Variants in EDC4 observed in about 807,000 individuals in gnomAD.
EDC4 encodes enhancer of mRNA-decapping protein 4.
EDC4 carries 64 observed loss-of-function variants against 155.8 expected under a neutral mutation model. That is an observed-to-expected ratio of 0.41 (90% confidence interval 0.34 to 0.51). EDC4 has a LOEUF of 0.51. Among genes scored for constraint, EDC4 ranks in the 20% least tolerant of loss-of-function variants. The pLI, the probability that EDC4 is intolerant of heterozygous loss-of-function variation, is 0.19. For missense variants in EDC4, 1,303 were observed against 1,812.5 expected (o/e 0.72, Z 5.10); for synonymous variants, 684 against 716.8 (o/e 0.95, Z 0.73).
chr16:67,880,785 C>G lies in EDC4; in HGVS notation c.2326C>G (p.Leu776Val), dbSNP rs1254283323. ...CAGTATGGCTTCAGCCGCCTCGGCA[C>G]TGCACCTGCTGTCCCCACGGCCCCG... ...PDSMASAASA[L>V]HLLSPRPRPG... The change falls in exon 18 of 29, where the codon CTG (leucine) becomes GTG (valine). Residue 776 changes from leucine (L) to valine (V), a missense_variant. Leu to Val is a conservative substitution (Grantham distance 32). Coordinates refer to ENST00000358933, the MANE Select transcript of EDC4 (RefSeq NM_014329.5). This position sits in a 1 kb window ranked among gnomAD's most constrained non-coding sequence, Gnocchi z 5.2. 5 of 1,613,972 alleles carry G rather than the reference C, an allele frequency of 3.1e-6. No homozygotes were observed. Among genetic ancestry groups the G allele is most frequent in the Non-Finnish European group, 4.2e-6 (5 of 1,180,042 alleles).
chr16:67,883,720 C>T lies in EDC4; in HGVS notation c.4002C>T (p.Asp1334=). ...QLASDLGTRT[D]LKLSYLEEAV... is the part of the protein sequence containing the mutation. ...CATCTGACCTTGGCACTCGAACTGA[C>T]CTCAAGCTCAGGTAAGTGGGGACAG... is the stretch of plus-strand genomic sequence containing the variant. Residue 1334 remains aspartate (D), a synonymous_variant, in exon 28 of 29, where the codon GAC becomes GAT. Coordinates refer to ENST00000358933, the MANE Select transcript of EDC4 (RefSeq NM_014329.5). The surrounding 1 kb of genome is among the most constrained non-coding windows in gnomAD (Gnocchi z 5.3). 6.2e-7 allele frequency: 1 copy of T among 1,614,112 alleles called. No homozygotes were observed. Among genetic ancestry groups the T allele is most frequent in the Non-Finnish European group, 8.5e-7 (1 of 1,180,026 alleles).
chr16:67,878,353 C>CTGTT lies in EDC4; in HGVS notation c.1005-7_1005-6insTGTT, dbSNP rs1567389863. 1 of 1,614,226 alleles carries CTGTT rather than the reference C, an allele frequency of 6.2e-7. No homozygotes were observed. ...CTCACTCAGGCCCCTCATCTGCCTA[C>CTGTT]CTGCAGGTGTCTGCACGAGTGGAAA... On this transcript the variant is annotated splice_polypyrimidine_tract_variant and splice_region_variant and intron_variant, in intron 8 of 28. Transcript: ENST00000358933. This position sits in a 1 kb window ranked among gnomAD's most constrained non-coding sequence, Gnocchi z 5.2.
chr16:67,876,524 G>A lies in EDC4; in HGVS notation c.276G>A (p.Gly92=), dbSNP rs554406609. The change falls in exon 3 of 29, where the codon GGG becomes GGA. Residue 92 remains glycine, a synonymous_variant. Transcript: ENST00000358933. This position sits in a 1 kb window ranked among gnomAD's most constrained non-coding sequence, Gnocchi z 5.8. ...LSGDDSSTCI[G]ILAKEVEIVA... ...GAGATGATAGCTCCACCTGCATTGGGATTTTGGCCAAGGAGGTGGAGATTG... is the reference window on the plus strand; with the variant it reads ...GAGATGATAGCTCCACCTGCATTGGAATTTTGGCCAAGGAGGTGGAGATTG... The A allele has an allele frequency of 1.9e-6, 3 of 1,614,154 alleles. No homozygotes were observed. Among genetic ancestry groups the A allele is most frequent in the South Asian group, 2.2e-5 (2 of 91,076 alleles).
rs568711057 is a variant in EDC4, at chr16:67,884,417, C to G, written c.*269C>G. On this transcript the variant is annotated 3_prime_UTR_variant, in exon 29 of 29. Transcript: ENST00000358933. This position sits in a 1 kb window ranked among gnomAD's most constrained non-coding sequence, Gnocchi z 4.1. ...CGTGACACCACTTGAGTGGAATTTT[C>G]CATGTTCCTTTTTACCTCTAATTTG... 3.3e-5 allele frequency: 18 copies of G among 540,992 alleles called. No individual in the cohort carries two copies. Among genetic ancestry groups the G allele is most frequent in the South Asian group, 1.6e-4 (6 of 38,274 alleles). The allele number at this position is 540,992 out of a possible 1,614,324, so 33.5% of individuals were successfully genotyped here. A position where few individuals can be genotyped will look rare whatever the true frequency, so the allele number is the denominator to read the frequency against.
In EDC4 at chr16:67,877,369, T is replaced by C. The variant is rs1391903381; in HGVS notation, c.604T>C (p.Phe202Leu). ...LACLDEAGNLFVWRLALVNGK... is the reference protein window; with the variant it reads ...LACLDEAGNLLVWRLALVNGK... ...CTGCCTGGATGAGGCAGGCAACCTG[T>C]TCGTGTGGCGCTTGGCTCTGGTTAA... is the stretch of plus-strand genomic sequence containing the variant. The change falls in exon 5 of 29, where the codon TTC (phenylalanine) becomes CTC (leucine). Residue 202 changes from phenylalanine (F) to leucine (L), a missense_variant. By Grantham distance (22) the Phe-to-Leu change is conservative. Coordinates refer to ENST00000358933, the MANE Select transcript of EDC4 (RefSeq NM_014329.5). The surrounding 1 kb of genome is among the most constrained non-coding windows in gnomAD (Gnocchi z 4.9). The C allele has an allele frequency of 6.2e-7, 1 of 1,613,820 alleles. No homozygotes were observed. The highest frequency in any genetic ancestry group is 8.5e-7 in the Non-Finnish European group (1 of 1,180,010).
Position 67,878,438 on chromosome 16 carries a change from C to A in EDC4, c.1083C>A (p.Asp361Glu), listed in dbSNP as rs766852535. 5.0e-6 allele frequency: 8 copies of A among 1,614,212 alleles called. No homozygotes were observed. Among genetic ancestry groups the A allele is most frequent in the South Asian group, 3.3e-5 (3 of 91,090 alleles). Residue 361 changes from aspartate (D) to glutamate (E), a missense_variant, in exon 9 of 29, where the codon GAC becomes GAA. Physicochemically the swap from Asp to Glu is conservative, Grantham distance 45 (BLOSUM62 2). Coordinates refer to ENST00000358933, the MANE Select transcript of EDC4 (RefSeq NM_014329.5). This position sits in a 1 kb window ranked among gnomAD's most constrained non-coding sequence, Gnocchi z 5.2. ...LLFCDNHKKQDPDVPFWRFLI... is the reference protein window; with the variant it reads ...LLFCDNHKKQEPDVPFWRFLI... ...TCTGTGACAACCATAAGAAACAAGA[C>A]CCTGAGTGAGTGAGTGGGCAGCCTA...
Position 67,877,587 on chromosome 16 carries a change from C to A in EDC4, c.720C>A (p.Phe240Leu), listed in dbSNP as rs2058047131. ...TTCGCAGGATCATCTGGTGCCCCTT[C>A]ATCCCTGAGGAGAGCGAAGACTGCT... The part of the protein sequence containing the change: ...NHFRRIIWCP[F>L]IPEESEDCCE... Residue 240 changes from phenylalanine (F) to leucine (L), a missense_variant, in exon 6 of 29, where the codon TTC becomes TTA. By Grantham distance (22) the Phe-to-Leu change is conservative. Around this residue, in one of 5 missense-constraint regions of EDC4, gnomAD observed 235 missense variants for 367.7 expected, o/e 0.64. Transcript: ENST00000358933. This position sits in a 1 kb window ranked among gnomAD's most constrained non-coding sequence, Gnocchi z 4.9. The A allele has an allele frequency of 6.2e-7, 1 of 1,614,222 alleles. No homozygotes were observed. The highest frequency in any genetic ancestry group is 1.7e-5 in the Admixed American group (1 of 60,028).
Position 67,884,076 on chromosome 16 carries a change from C to T in EDC4, c.4134C>T (p.His1378=), listed in dbSNP as rs1343573262. The T allele has an allele frequency of 4.3e-6, 7 of 1,614,072 alleles. No homozygotes were observed. The highest frequency in any genetic ancestry group is 2.7e-5 in the African/African-American group (2 of 74,958). The change falls in exon 29 of 29, where the codon CAC becomes CAT. Residue 1378 remains histidine (H), a synonymous_variant. Transcript: ENST00000358933. The surrounding 1 kb of genome is among the most constrained non-coding windows in gnomAD (Gnocchi z 4.1). ...KLFQFLQAEP[H]NSLGKAARRL... ...TTCAGTTCCTGCAGGCTGAGCCACA[C>T]AACTCACTTGGCAAAGCAGCTCGGC...
rs2058078317 is a variant in EDC4, at chr16:67,883,252, C to T, written c.3849+75C>T. The T allele has an allele frequency of 1.3e-6, 2 of 1,484,622 alleles. No individual in the cohort carries two copies. Among genetic ancestry groups the T allele is most frequent in the Admixed American group, 2.1e-5 (1 of 47,410 alleles). 92.0% of individuals were successfully genotyped at this position (1,484,622 alleles called of 1,614,324 possible). ...CCCACATACCATACATTCTACTCCA[C>T]CCACCACCTTTGCACCTTCTGGCCC... is the stretch of plus-strand genomic sequence containing the variant. On this transcript the variant is annotated intron_variant, in intron 27 of 28. Transcript: ENST00000358933. This position sits in a 1 kb window ranked among gnomAD's most constrained non-coding sequence, Gnocchi z 5.3.
In EDC4 at chr16:67,882,430, A is replaced by G. The variant is rs1335764018; in HGVS notation, c.3278A>G (p.Asn1093Ser). 1.9e-6 allele frequency: 3 copies of G among 1,613,520 alleles called. No homozygotes were observed. The highest frequency in any genetic ancestry group is 1.3e-5 in the African/African-American group (1 of 74,926). Residue 1093 changes from asparagine to serine, a missense_variant and splice_region_variant, in exon 25 of 29, where the codon AAC becomes AGC. This residue lies in a region of EDC4 where 527 missense variants were observed against 757.0 expected (regional missense o/e 0.70). Transcript: ENST00000358933. The surrounding 1 kb of genome is among the most constrained non-coding windows in gnomAD (Gnocchi z 7.2). ...CTTGGCCCCTCCCTCTAACCCCAGA[A>G]CTTGACTGATGCCATCGCCCGAGCA... is the stretch of plus-strand genomic sequence containing the variant. The part of the protein sequence containing the change: ...ENISKLLKSK[N>S]LTDAIARAAA...
In EDC4 at chr16:67,881,319, C is replaced by T. The variant is rs2058066963; in HGVS notation, c.2691C>T (p.Thr897=). ...CCTCTGCTTCAGGAGGCTTTGGCAC[C>T]AAAGTTCCTGCTCCACGGCTGCCTG... ...SLASASGGFG[T]KVPAPRLPAK... The change falls in exon 20 of 29, where the codon ACC becomes ACT. Residue 897 remains threonine (T), a synonymous_variant. Transcript: ENST00000358933. This position sits in a 1 kb window ranked among gnomAD's most constrained non-coding sequence, Gnocchi z 5.4. 3 of 1,614,046 alleles carry T rather than the reference C, an allele frequency of 1.9e-6. No individual in the cohort carries two copies. Among genetic ancestry groups the T allele is most frequent in the Non-Finnish European group, 2.5e-6 (3 of 1,180,048 alleles).
chr16:67,879,160 C>A lies in EDC4; in HGVS notation c.1468+23C>A. The A allele has an allele frequency of 6.2e-7, 1 of 1,614,064 alleles. No individual in the cohort carries two copies. The highest frequency in any genetic ancestry group is 8.5e-7 in the Non-Finnish European group (1 of 1,179,918). On this transcript the variant is annotated intron_variant, in intron 12 of 28. Coordinates refer to ENST00000358933, the MANE Select transcript of EDC4 (RefSeq NM_014329.5). This position sits in a 1 kb window ranked among gnomAD's most constrained non-coding sequence, Gnocchi z 6.0. ...CTGGTGAGCTGCCTCAGGGTCAGAG[C>A]TATGTGTCCATATATCTAGGGGGTT...
intron 1 of EDC4, among the ~76,000 whole-genome samples, chr16:67,874,611 C>T (rs114990427): frequency 0.045 from 6,866 of 152,206 alleles, 462 homozygotes; most frequent in African/African-American, 0.15. Flanking sequence ...CTCATGGTAC[C>T]CTTCATGGAA....
chr16:67,875,744 G>T, intron 1 of EDC4: 2 of 1,377,854 alleles, frequency 1.5e-6, no homozygotes, highest in Non-Finnish European at 1.9e-6. Flanking sequence ...CCAGGTAGAA[G>T]AGCCTCATGC....
Position 67,875,796 on chromosome 16 carries a change from GATGAACAC to G in EDC4, c.83-147_83-140del, listed in dbSNP as rs921319586. Reference sequence around the variant, plus strand: ...CTACATCAGTGTTTATGGAACGAGAGATGAACACAGGGCCCTCCTCCTCATGGACATGC... The same window carrying G: ...CTACATCAGTGTTTATGGAACGAGAGAGGGCCCTCCTCCTCATGGACATGC... On this transcript the variant is annotated intron_variant, in intron 1 of 28. Coordinates refer to ENST00000358933, the MANE Select transcript of EDC4 (RefSeq NM_014329.5). 4.8e-6 allele frequency: 7 copies of G among 1,471,388 alleles called. No individual in the cohort carries two copies. The African/African-American group carries it at 9.9e-5, about 21-fold the overall frequency. The allele number at this position is 1,471,388 out of a possible 1,614,324, so 91.1% of individuals were successfully genotyped here. A position where few individuals can be genotyped will look rare whatever the true frequency, so the allele number is the denominator to read the frequency against.
chr16:67,875,214 A>G (rs2058036651), intron 1 of EDC4, among the ~76,000 whole-genome samples: 2 of 152,180 alleles, frequency 1.3e-5, no homozygotes, highest in South Asian at 4.1e-4. Context: ...ACGCTGCCCC[A>G]TAGTTTCTCT....
Position 67,878,844 on chromosome 16 carries a change from G to A in EDC4, c.1287+5G>A, listed in dbSNP as rs769093401. 1 of 1,613,212 alleles carries A rather than the reference G, an allele frequency of 6.2e-7. No individual in the cohort carries two copies. The highest frequency in any genetic ancestry group is 2.2e-5 in the East Asian group (1 of 44,888). On this transcript the variant is annotated splice_donor_5th_base_variant and intron_variant, in intron 11 of 28. Coordinates refer to ENST00000358933, the MANE Select transcript of EDC4 (RefSeq NM_014329.5). This position sits in a 1 kb window ranked among gnomAD's most constrained non-coding sequence, Gnocchi z 5.2. ...CTCAGCGATGTGCAACGGAAGGTAG[G>A]CTGCCATGGGGTACCCTGGGCAGAG...
At position 67,883,382 on chromosome 16, in the gene EDC4, C is replaced by G; in HGVS notation, c.3850-186C>G. 1 of 1,275,220 alleles carries G rather than the reference C, an allele frequency of 7.8e-7. No individual in the cohort carries two copies. Among genetic ancestry groups the G allele is most frequent in the African/African-American group, 1.5e-5 (1 of 67,326 alleles). 79.0% of individuals were successfully genotyped at this position (1,275,220 alleles called of 1,614,324 possible). A position where few individuals can be genotyped will look rare whatever the true frequency, so the allele number is the denominator to read the frequency against. On this transcript the variant is annotated intron_variant, in intron 27 of 28. Transcript: ENST00000358933. The surrounding 1 kb of genome is among the most constrained non-coding windows in gnomAD (Gnocchi z 5.3). ...CCTAGCCCACCTTGCTTTACAACTA[C>G]CCTTCTCAGGAACCCATTTCCCAAT...
rs751900895 is a variant in EDC4 at position 67,881,618 on chromosome 16, T to G, written c.2827-50T>G. 5.0e-6 allele frequency: 8 copies of G among 1,610,582 alleles called. No homozygotes were observed. The highest frequency in any genetic ancestry group is 6.8e-6 in the Non-Finnish European group (8 of 1,177,548). The stretch of plus-strand genomic sequence containing the variant: ...CTCTGGGCCATTCCCTGGTCTGGTG[T>G]GTGGGAATAGGTGGGGCAGGCATCG... On this transcript the variant is annotated intron_variant, in intron 21 of 28. Coordinates refer to ENST00000358933, the MANE Select transcript of EDC4 (RefSeq NM_014329.5). The surrounding 1 kb of genome is among the most constrained non-coding windows in gnomAD (Gnocchi z 5.4).
Sources: gnomAD v4.1 joint callset for allele counts (sites outside exome capture counted in the v4.1 genomes callset) on GRCh38, gnomAD v4.1.1 for gene constraint, gnomAD v4.1.1 regional missense constraint, Gnocchi (gnomAD v3.1) non-coding constraint, MANE v1.5 for transcripts, NCBI Gene and HGNC (gene_info 2026-07-23, HGNC 2026-07-21) for gene names.